Variants in COL8A1 observed in about 807,000 individuals in gnomAD.
COL8A1 encodes the protein collagen alpha-1(VIII) chain.
Under a neutral mutation model 42.7 loss-of-function variants are expected in COL8A1, and 21 were observed. The observed-to-expected ratio is 0.49, with a 90% CI of 0.35 to 0.71. COL8A1 has a LOEUF of 0.71. Ranked by LOEUF, COL8A1 falls within the 30% of genes least tolerant of loss-of-function variation. The pLI is 0.01. For synonymous variants in COL8A1, 367 were observed against 369.1 expected, an observed-to-expected ratio of 0.99 and a Z score of 0.06; for missense variants, 788 against 962.4, an observed-to-expected ratio of 0.82 and a Z score of 2.40.
intron 1 of COL8A1, among the ~76,000 whole-genome samples, chr3:99,647,254 T>C (rs1042374295): frequency 2.6e-5 from 4 of 152,206 alleles, no homozygotes; most frequent in African/African-American, 4.8e-5. Flanking sequence ...AAGAATAGTT[T>C]AAGAATCACT....
chr3:99,764,165 T>C (rs1559630113), intron 2 of COL8A1, among the ~76,000 whole-genome samples: 1 of 152,212 alleles, frequency 6.6e-6, no homozygotes, highest in Non-Finnish European at 1.5e-5. Flanking sequence ...GAACTTTTTA[T>C]ATAGAAGCTT....
At chr3:99,747,604 T>C (rs1389923812) in intron 2 of COL8A1, among the ~76,000 whole-genome samples, 4 of 152,246 alleles carry the variant, frequency 2.6e-5, no homozygotes, top group Admixed American at 2.6e-4. Context: ...TTTTAAAAGT[T>C]GTTTGAAACT....
intron 1 of COL8A1, among the ~76,000 whole-genome samples, chr3:99,735,534 G>A (rs1940677695): frequency 6.7e-6 from 1 of 149,984 alleles, no homozygotes; most frequent in African/African-American, 2.5e-5. Context: ...TTTTGGATGT[G>A]CTGCTGGATT....
chr3:99,666,338 C>G (rs954414415), intron 1 of COL8A1, among the ~76,000 whole-genome samples: 1 of 152,028 alleles, frequency 6.6e-6, no homozygotes, highest in Non-Finnish European at 1.5e-5. Context: ...TCCTTGAGCT[C>G]CTTGAGCTTC....
At chr3:99,682,447 G>C (rs992340292) in intron 1 of COL8A1, among the ~76,000 whole-genome samples, 9 of 151,980 alleles carry the variant, frequency 5.9e-5, no homozygotes, top group Non-Finnish European at 1.5e-5. Context: ...ATAATTAGAA[G>C]TGTCTTAAGC....
intron 1 of COL8A1, among the ~76,000 whole-genome samples, chr3:99,737,793 T>C (rs1353222387): frequency 6.6e-6 from 1 of 152,068 alleles, no homozygotes; most frequent in Non-Finnish European, 1.5e-5. Context: ...GTTGGGGAAG[T>C]TCTCCTGGAT....
At chr3:99,700,062 G>A (rs1033733981) in intron 1 of COL8A1, among the ~76,000 whole-genome samples, 2 of 152,102 alleles carry the variant, frequency 1.3e-5, no homozygotes, top group Admixed American at 6.6e-5. Context: ...CAATGCAGTC[G>A]GTCTGGACTG....
intron 1 of COL8A1, among the ~76,000 whole-genome samples, chr3:99,716,712 A>G (rs1406876167): frequency 6.6e-6 from 1 of 152,010 alleles, no homozygotes; most frequent in East Asian, 1.9e-4. Flanking sequence ...ACTTCTTTGC[A>G]TGACACTTGA....
chr3:99,728,281 A>T (rs2107379868), intron 1 of COL8A1, among the ~76,000 whole-genome samples: 1 of 152,222 alleles, frequency 6.6e-6, no homozygotes, highest in African/African-American at 2.4e-5. Flanking sequence ...GCTGATAAGC[A>T]ACTTCAGCAA....
chr3:99,750,574 G>A (rs900008574), intron 2 of COL8A1, among the ~76,000 whole-genome samples: 1 of 152,018 alleles, frequency 6.6e-6, no homozygotes, highest in Non-Finnish European at 1.5e-5. Context: ...TGTCCAGGGG[G>A]AGTAAAATGC....
intron 1 of COL8A1, chr3:99,685,688 G>A (rs931100239): frequency 6.6e-6 from 1 of 152,094 alleles, no homozygotes; most frequent in Non-Finnish European, 1.5e-5. Context: ...CATACATACA[G>A]AACTTTCCTC....
chr3:99,700,574 C>T (rs1362493087), intron 1 of COL8A1, among the ~76,000 whole-genome samples: 1 of 152,154 alleles, frequency 6.6e-6, no homozygotes, highest in African/African-American at 2.4e-5. Context: ...TCTCAGTGGG[C>T]TTAACCTCCA....
At chr3:99,730,311 A>G (rs534114449) in intron 1 of COL8A1, among the ~76,000 whole-genome samples, 9 of 152,304 alleles carry the variant, frequency 5.9e-5, no homozygotes, top group African/African-American at 1.9e-4. Context: ...TGTTTTGTGA[A>G]GGAAATTCAA....
chr3:99,721,053 G>A (rs914852738), intron 1 of COL8A1, among the ~76,000 whole-genome samples: 2 of 151,956 alleles, frequency 1.3e-5, no homozygotes, highest in African/African-American at 4.8e-5. Flanking sequence ...AAGGGCTGAT[G>A]GAGAGCATTC....
In COL8A1 at chr3:99,757,616, C is replaced by T. The variant is rs116609770; in HGVS notation, c.-4+12595C>T. ...CTTAAACTTATATCAGTTCATTTACCTTTATCAGTTCTGACCTCATGCTCA... is the reference window on the plus strand; with the variant it reads ...CTTAAACTTATATCAGTTCATTTACTTTTATCAGTTCTGACCTCATGCTCA... On this transcript the variant is annotated intron_variant, in intron 2 of 3. Coordinates refer to ENST00000652472, the MANE Select transcript of COL8A1 (RefSeq NM_020351.4). Among the ~76,000 whole-genome samples the T allele has an allele frequency of 4.1e-3, 629 of 152,274 alleles. 4 individuals are homozygous for T. The highest frequency in any genetic ancestry group is 0.014 in the African/African-American group (589 of 41,554).
chr3:99,759,389 G>A (rs907721100), intron 2 of COL8A1, among the ~76,000 whole-genome samples: 6 of 152,080 alleles, frequency 3.9e-5, no homozygotes, highest in Admixed American at 2.0e-4. Flanking sequence ...GCTAAAAAGC[G>A]ACAGAAAGAC....
intron 1 of COL8A1, among the ~76,000 whole-genome samples, chr3:99,721,463 G>A (rs1214306332): frequency 2.0e-5 from 3 of 150,886 alleles, no homozygotes; most frequent in East Asian, 2.0e-4. Context: ...GAAGGACAGG[G>A]AAGGGAAGGG....
intron 2 of COL8A1, among the ~76,000 whole-genome samples, chr3:99,778,049 T>C (rs1941726800): frequency 1.3e-5 from 2 of 152,176 alleles, no homozygotes; most frequent in African/African-American, 4.8e-5. Flanking sequence ...AAACAGACTA[T>C]CACAGAGAAA....
intron 1 of COL8A1, among the ~76,000 whole-genome samples, chr3:99,701,929 G>A (rs1250520327): frequency 1.3e-5 from 2 of 152,112 alleles, no homozygotes; most frequent in Admixed American, 6.5e-5. Context: ...ATATTATTGG[G>A]ACCCATTACT....
Sources: allele counts gnomAD v4.1 joint callset (sites outside exome capture counted in the v4.1 genomes callset), GRCh38; gene constraint gnomAD v4.1.1; transcripts MANE v1.5; gene names NCBI Gene and HGNC (gene_info 2026-07-23, HGNC 2026-07-21).